CFAP69: variants seen among roughly 807,000 people sequenced by gnomAD.
CFAP69 encodes the protein cilia and flagella associated protein 69.
In CFAP69, 92 loss-of-function variants were observed where a neutral mutation model predicts 123.0. That is an observed-to-expected ratio of 0.75 (90% confidence interval 0.63 to 0.89). The LOEUF (loss-of-function observed/expected upper bound fraction) is 0.89, where lower values mean the gene tolerates loss of function less well. Among genes scored for constraint, CFAP69 ranks in the 40% least tolerant of loss-of-function variants. The pLI is 0.00. For missense variants in CFAP69, 1,067 were observed against 1,096.9 expected (o/e 0.97, Z 0.39); for synonymous variants, 380 against 364.3 (o/e 1.04, Z -0.49).
At chr7:90,280,164 T>G (rs911356209) in intron 12 of CFAP69, among the ~76,000 whole-genome samples, 1 of 152,116 alleles carries the variant, frequency 6.6e-6, no homozygotes, top group South Asian at 2.1e-4. Context: ...AAAAATTATA[T>G]TTGGGAAGAA....
chr7:90,283,955 C>T (rs1015402), intron 13 of CFAP69, among the ~76,000 whole-genome samples: 75,677 of 151,748 alleles, frequency 0.5, 19,826 homozygotes, highest in Non-Finnish European at 0.59. Context: ...TAGGTGAAAA[C>T]ATTTACCTTT....
intron 6 of CFAP69, chr7:90,270,342 T>C (rs1214374493): frequency 6.6e-6 from 1 of 152,128 alleles, no homozygotes; most frequent in Non-Finnish European, 1.5e-5. Flanking sequence ...GAAAACACTT[T>C]ATAGGATGGG....
downstream of CFAP69, among the ~76,000 whole-genome samples, chr7:90,314,800 A>G (rs1357274325): frequency 2.6e-5 from 4 of 151,896 alleles, no homozygotes; most frequent in African/African-American, 9.7e-5. Flanking sequence ...TACATGTGCC[A>G]TGCTGGTGCG....
rs17863050 is a variant in CFAP69 at position 90,245,252 on chromosome 7, C to A, written c.-173C>A. The stretch of plus-strand genomic sequence containing the variant: ...ACTGGGGGGCGGCAGCGGCGCTAAG[C>A]GGACTGTATGGCGGTGGCCTAGGCC... On this transcript the variant is annotated 5_prime_UTR_variant, in exon 1 of 23. Transcript: ENST00000389297. The A allele has an allele frequency of 0.016, 12,822 of 804,014 alleles. 132 individuals are homozygous for A. Among genetic ancestry groups the A allele is most frequent in the Non-Finnish European group, 0.019 (10,717 of 568,984 alleles). 49.8% of individuals were successfully genotyped at this position (804,014 alleles called of 1,614,324 possible).
At position 90,245,408 on chromosome 7, in the gene CFAP69, C is replaced by A; in HGVS notation, c.-17C>A. ...GACAGGAAGATCCCCCCACTCTCCA[C>A]CCCGCCGCCACCGGCCATGTGGACA... On this transcript the variant is annotated 5_prime_UTR_variant, in exon 1 of 23. Transcript: ENST00000389297. 2 of 1,537,752 alleles carry A rather than the reference C, an allele frequency of 1.3e-6. No homozygotes were observed. The highest frequency in any genetic ancestry group is 2.4e-5 in the South Asian group (2 of 82,920).
At chr7:90,286,426 C>G (rs1397051907) in intron 14 of CFAP69, 27 bp downstream of exon 14, 1 of 1,605,872 alleles carries the variant, frequency 6.2e-7, no homozygotes, top group Non-Finnish European at 8.5e-7. Context: ...AAGTTTTGTT[C>G]AGGTCTCCCA....
In CFAP69 at chr7:90,300,074, A is replaced by C. The variant is rs756183262; in HGVS notation, c.2050+15A>C. 2.6e-6 allele frequency: 4 copies of C among 1,524,808 alleles called. No homozygotes were observed. The highest frequency in any genetic ancestry group is 2.6e-6 in the Non-Finnish European group (3 of 1,133,070). 94.5% of individuals were successfully genotyped at this position (1,524,808 alleles called of 1,614,324 possible). A position where few individuals can be genotyped will look rare whatever the true frequency, so the allele number is the denominator to read the frequency against. On this transcript the variant is annotated intron_variant, in intron 17 of 22. Transcript: ENST00000389297. ...GAAGATCATTGGTGAGTATATTTAT[A>C]ATTGTTAGTAGAAGCAATTAATGTA...
At position 90,310,472 on chromosome 7, in the gene CFAP69, T is replaced by C. The variant is rs1794216645; in HGVS notation, c.*234T>C. ...AGGCTACCAATTTTACTAAGTGAAA[T>C]TGTAAAACATAGTACATCAGTTAGG... On this transcript the variant is annotated 3_prime_UTR_variant, in exon 23 of 23. Transcript: ENST00000389297. The C allele has an allele frequency of 3.9e-6, 1 of 256,466 alleles. No homozygotes were observed. The highest frequency in any genetic ancestry group is 7.2e-6 in the Non-Finnish European group (1 of 138,290). 15.9% of individuals were successfully genotyped at this position (256,466 alleles called of 1,614,324 possible). A position where few individuals can be genotyped will look rare whatever the true frequency, so the allele number is the denominator to read the frequency against.
chr7:90,311,432 T>A (rs1794318417), downstream of CFAP69, among the ~76,000 whole-genome samples: 1 of 152,250 alleles, frequency 6.6e-6, no homozygotes, highest in African/African-American at 2.4e-5. Flanking sequence ...CTGATTTACA[T>A]CATGTTCTCA....
At chr7:90,281,525 G>A (rs1789492092) in intron 12 of CFAP69, among the ~76,000 whole-genome samples, 2 of 152,094 alleles carry the variant, frequency 1.3e-5, no homozygotes, top group African/African-American at 2.4e-5. Context: ...TGAGGGAAGG[G>A]TGGTGTTGGG....
chr7:90,298,345 GAC>G (rs1221469048), intron 16 of CFAP69, among the ~76,000 whole-genome samples: 1 of 152,138 alleles, frequency 6.6e-6, no homozygotes, highest in African/African-American at 2.4e-5. Context: ...TTCCAATAGA[GAC>G]AGTGCCATCT....
rs999419278 is a variant in CFAP69, at chr7:90,285,951, A to G, written c.1538-330A>G. 9.2e-5 allele frequency among the ~76,000 whole-genome samples: 14 copies of G among 152,306 alleles called. No individual in the cohort carries two copies. In the East Asian group the frequency reaches 2.7e-3, roughly 29 times the overall value. On this transcript the variant is annotated intron_variant, in intron 13 of 22. Transcript: ENST00000389297. Reference sequence around the variant, plus strand: ...TATTGAAAGCTCCAGGAATTCATTTATCATCTTCTTTTCACAGCCTCTAGG... The same window carrying G: ...TATTGAAAGCTCCAGGAATTCATTTGTCATCTTCTTTTCACAGCCTCTAGG...
At chr7:90,285,438 A>G (rs1790125639) in intron 13 of CFAP69, among the ~76,000 whole-genome samples, 1 of 152,182 alleles carries the variant, frequency 6.6e-6, no homozygotes, top group African/African-American at 2.4e-5. Context: ...TAAAGCTTAA[A>G]AAAATCCTTT....
Position 90,277,071 on chromosome 7 carries a change from A to T in CFAP69, c.985-2A>T. ...TCTGCTTATTTTATGTATTTATATTAGGAATGTGGCTTTACCAAGGATTTG... is the reference window on the plus strand; with the variant it reads ...TCTGCTTATTTTATGTATTTATATTTGGAATGTGGCTTTACCAAGGATTTG... On this transcript the variant is annotated splice_acceptor_variant, in intron 9 of 22. Coordinates refer to ENST00000389297, the MANE Select transcript of CFAP69 (RefSeq NM_001039706.3). LOFTEE classifies it high-confidence loss of function. The T allele has an allele frequency of 6.4e-7, 1 of 1,555,540 alleles. No individual in the cohort carries two copies. The highest frequency in any genetic ancestry group is 1.4e-5 in the African/African-American group (1 of 72,680).
intron 1 of CFAP69, among the ~76,000 whole-genome samples, chr7:90,250,337 A>C (rs1195048006): frequency 6.6e-6 from 1 of 152,138 alleles, no homozygotes; most frequent in African/African-American, 2.4e-5. Flanking sequence ...ATTAATAGCT[A>C]CGTGGCTTTA....
Position 90,286,344 on chromosome 7 carries a change from A to G in CFAP69, c.1601A>G (p.Gln534Arg), listed in dbSNP as rs935381243. 12 of 1,611,090 alleles carry G rather than the reference A, an allele frequency of 7.4e-6. No homozygotes were observed. The highest frequency in any genetic ancestry group is 6.7e-5 in the Admixed American group (4 of 59,710). The change falls in exon 14 of 23, where the codon CAG (glutamine) becomes CGG (arginine). Residue 534 changes from glutamine to arginine, a missense_variant. By Grantham distance (43) the Gln-to-Arg change is conservative. Transcript: ENST00000389297. ...EKEEAIVLEI[Q>R]SDILLILSGL... The stretch of plus-strand genomic sequence containing the variant: ...GAAGAAGCCATTGTTTTGGAAATCC[A>G]GTCTGATATATTACTTATCCTATCT...
At chr7:90,321,747 A>G in the CFAP69 span, among the ~76,000 whole-genome samples, 3 of 152,204 alleles carry the variant, frequency 2.0e-5, no homozygotes, top group African/African-American at 7.2e-5. Context: ...ATTAACGCTA[A>G]CACATACACA....
chr7:90,255,492 C>A lies in CFAP69; in HGVS notation c.180+10C>A. ...CGAAGAGACTGATAAAGTGAGTAAG[C>A]TTTGAGAGAAAATTACTCCGCTGCA... On this transcript the variant is annotated intron_variant, in intron 2 of 22. Transcript: ENST00000389297. The A allele has an allele frequency of 6.2e-7, 1 of 1,603,196 alleles. No individual in the cohort carries two copies. The highest frequency in any genetic ancestry group is 8.5e-7 in the Non-Finnish European group (1 of 1,170,986).
intron 15 of CFAP69, among the ~76,000 whole-genome samples, chr7:90,290,542 A>G (rs902870400): frequency 1.3e-5 from 2 of 152,152 alleles, no homozygotes; most frequent in Admixed American, 6.6e-5. Flanking sequence ...TTACATCCAG[A>G]AACACCTTCA....
Sources: allele counts gnomAD v4.1 joint callset (sites outside exome capture counted in the v4.1 genomes callset), GRCh38; gene constraint gnomAD v4.1.1; transcripts MANE v1.5; gene names NCBI Gene and HGNC (gene_info 2026-07-23, HGNC 2026-07-21).